DOCK1: variants seen among roughly 807,000 people sequenced by gnomAD.
DOCK1 encodes the protein dedicator of cytokinesis 1, also known as dedicator of cytokinesis protein 1.
DOCK1 carries 138 observed loss-of-function variants against 262.7 expected under a neutral mutation model. The observed-to-expected ratio is 0.53, with a 90% CI of 0.46 to 0.61. The LOEUF is 0.61. Ranked by LOEUF, DOCK1 falls within the 20% of genes least tolerant of loss-of-function variation. The probability of loss-of-function intolerance (pLI) is 0.00; values close to 1 mark genes in which losing one functional copy is unlikely to be tolerated. For synonymous variants in DOCK1, 866 were observed against 867.4 expected (o/e 1.00, Z 0.03); for missense variants, 1,908 against 2,370.7 (o/e 0.80, Z 4.05).
At chr10:127,428,249 G>A (rs1294368239) in intron 47 of DOCK1, among the ~76,000 whole-genome samples, 4 of 152,206 alleles carry the variant, frequency 2.6e-5, no homozygotes, top group African/African-American at 4.8e-5. Flanking sequence ...GTCATTTAAT[G>A]TATATTTCAA....
chr10:127,287,245 C>T (rs2061189756), intron 29 of DOCK1, among the ~76,000 whole-genome samples: 1 of 151,138 alleles, frequency 6.6e-6, no homozygotes, highest in Non-Finnish European at 1.5e-5. Flanking sequence ...CTCTGTTGTC[C>T]AAGCTGGAGT....
intron 22 of DOCK1, among the ~76,000 whole-genome samples, chr10:127,055,335 A>G (rs2045066387): frequency 6.6e-6 from 1 of 152,146 alleles, no homozygotes; most frequent in South Asian, 2.1e-4. Flanking sequence ...CCCTCCCAGC[A>G]TCAGCTCTGC....
At chr10:127,222,019 G>GATA (rs2058454949) in intron 27 of DOCK1, among the ~76,000 whole-genome samples, 1 of 144,778 alleles carries the variant, frequency 6.9e-6, no homozygotes, top group Non-Finnish European at 1.5e-5. Context: ...TGCTTGCTGC[G>GATA]TAACAAAGTA....
intron 33 of DOCK1, among the ~76,000 whole-genome samples, chr10:127,362,983 A>ACGCG: frequency 8.6e-6 from 1 of 116,768 alleles, no homozygotes. Flanking sequence ...ATACACATAC[A>ACGCG]CATCCCCCCC....
At chr10:127,369,811 T>G (rs2065113688) in intron 33 of DOCK1, among the ~76,000 whole-genome samples, 1 of 152,128 alleles carries the variant, frequency 6.6e-6, no homozygotes, top group African/African-American at 2.4e-5. Flanking sequence ...TTAATTAGTG[T>G]GTAATTAAGT....
intron 29 of DOCK1, among the ~76,000 whole-genome samples, chr10:127,273,687 G>T (rs563856194): frequency 5.9e-4 from 90 of 152,002 alleles, no homozygotes; most frequent in East Asian, 5.8e-4. Flanking sequence ...CTTGAGACAA[G>T]CCTGGGCAAC....
intron 27 of DOCK1, chr10:127,137,085 T>A (rs2050764782): frequency 6.6e-6 from 1 of 152,636 alleles, no homozygotes; most frequent in Non-Finnish European, 1.5e-5. Flanking sequence ...GTCCAATAGC[T>A]CTGACCCTGT....
At chr10:127,116,443 C>T (rs1291689069) in intron 25 of DOCK1, among the ~76,000 whole-genome samples, 1 of 152,082 alleles carries the variant, frequency 6.6e-6, no homozygotes, top group Non-Finnish European at 1.5e-5. Flanking sequence ...GGCAAAATCC[C>T]AGACACTTAC....
intron 27 of DOCK1, among the ~76,000 whole-genome samples, chr10:127,143,006 T>C (rs558248037): frequency 6.6e-6 from 1 of 152,310 alleles, no homozygotes; most frequent in African/African-American, 2.4e-5. Flanking sequence ...GTGCTAGGCT[T>C]TGTAGTAACA....
chr10:126,999,862 A>T (rs1033936038), intron 9 of DOCK1, among the ~76,000 whole-genome samples: 8 of 152,098 alleles, frequency 5.3e-5, no homozygotes, highest in African/African-American at 1.7e-4. Flanking sequence ...TTTTTAGTAG[A>T]GATGGGGTTT....
At chr10:127,317,668 A>G (rs901389704) in intron 29 of DOCK1, among the ~76,000 whole-genome samples, 1 of 152,196 alleles carries the variant, frequency 6.6e-6, no homozygotes. Context: ...GCAACTTAAT[A>G]CATGTCCGGG....
intron 16 of DOCK1, among the ~76,000 whole-genome samples, chr10:127,028,934 A>T (rs1403595925): frequency 6.6e-6 from 1 of 152,188 alleles, no homozygotes; most frequent in Non-Finnish European, 1.5e-5. Flanking sequence ...CCACGGAGGA[A>T]GCAGGTTAAG....
rs115836897 is a variant in DOCK1 at position 127,308,139 on chromosome 10, C to T, written c.3045-30867C>T. ...GTTGATGTCTCAGTTTGTGGAAATT[C>T]GGAAACCACATGCCTTTCTCTCTAG... On this transcript the variant is annotated intron_variant, in intron 29 of 51. Transcript: ENST00000623213. Among the ~76,000 whole-genome samples, 364 of 152,324 alleles carry T rather than the reference C, an allele frequency of 2.4e-3. 3 individuals carry two copies. The highest frequency in any genetic ancestry group is 8.6e-3 in the African/African-American group (359 of 41,582).
intron 43 of DOCK1, among the ~76,000 whole-genome samples, chr10:127,413,665 G>A (rs769402127): frequency 6.6e-6 from 1 of 152,218 alleles, no homozygotes; most frequent in Non-Finnish European, 1.5e-5. Flanking sequence ...CCAGAGGTCC[G>A]TCTCAGGGCA....
intron 44 of DOCK1, among the ~76,000 whole-genome samples, chr10:127,415,665 C>A (rs2068110320): frequency 6.6e-6 from 1 of 152,168 alleles, no homozygotes; most frequent in Admixed American, 6.5e-5. Context: ...AGTCCTTGCC[C>A]ATTTCAAGTA....
chr10:127,036,274 G>T (rs903464968), intron 18 of DOCK1, among the ~76,000 whole-genome samples: 1 of 152,124 alleles, frequency 6.6e-6, no homozygotes, highest in African/African-American at 2.4e-5. Context: ...CCCACACTTG[G>T]GCGTCTTCCA....
intron 47 of DOCK1, among the ~76,000 whole-genome samples, chr10:127,432,211 A>G (rs2069340166): frequency 6.6e-6 from 1 of 152,128 alleles, no homozygotes; most frequent in Non-Finnish European, 1.5e-5. Context: ...GCCCTTTTAC[A>G]ATTTTGAGCT....
rs796425194 is a variant in DOCK1, at chr10:127,342,634, T to TA, written c.3124-1011dup. On this transcript the variant is annotated intron_variant, in intron 30 of 51. Coordinates refer to ENST00000623213, the MANE Select transcript of DOCK1 (RefSeq NM_001290223.2). ...CCCTTACTTCTCAGGTAATTAAAAATAGAGTCAATATAATGTTCACACTTT... is the reference window on the plus strand; with the variant it reads ...CCCTTACTTCTCAGGTAATTAAAAATAAGAGTCAATATAATGTTCACACTTT... Among the ~76,000 whole-genome samples, 16 of 152,288 alleles carry TA rather than the reference T, an allele frequency of 1.1e-4. 1 individual carries two copies. Among genetic ancestry groups the TA allele is most frequent in the African/African-American group, 3.6e-4 (15 of 41,572 alleles).
At chr10:127,073,423 A>G (rs1235369119) in intron 23 of DOCK1, among the ~76,000 whole-genome samples, 1 of 152,228 alleles carries the variant, frequency 6.6e-6, no homozygotes, top group Non-Finnish European at 1.5e-5. Context: ...CCAGTAGTCT[A>G]ATTACAGAAA....
Sources: allele counts gnomAD v4.1 joint callset (sites outside exome capture counted in the v4.1 genomes callset), GRCh38; gene constraint gnomAD v4.1.1; transcripts MANE v1.5; gene names NCBI Gene and HGNC (gene_info 2026-07-23, HGNC 2026-07-21).